The following GALNT15 variants were observed in gnomAD, a reference collection of about 807,000 sequenced individuals.
GALNT15 encodes the protein polypeptide N-acetylgalactosaminyltransferase 15, also known as UDP-GalNAc transferase T15.
Under a neutral mutation model 66.8 loss-of-function variants are expected in GALNT15, and 67 were observed. The observed-to-expected ratio is 1.00, with a 90% CI of 0.82 to 1.23. GALNT15 has a LOEUF of 1.23. GALNT15 is among the 50% of genes most tolerant of loss of function. The pLI is 0.00. For missense variants in GALNT15, 827 were observed against 804.3 expected, an observed-to-expected ratio of 1.03 and a Z score of -0.34; for synonymous variants, 313 against 311.5, an observed-to-expected ratio of 1.00 and a Z score of -0.05.
At chr3:16,185,748 C>CAGATAGAT (rs56684049) in intron 1 of GALNT15, among the ~76,000 whole-genome samples, 194 of 148,308 alleles carry the variant, frequency 1.3e-3, no homozygotes, top group East Asian at 1.8e-3. Context: ...GATAGACAGA[C>CAGATAGAT]AGATAGATAG....
Position 16,228,321 on chromosome 3 carries a change from T to C in GALNT15, c.*821T>C, listed in dbSNP as rs570561945. 342 of 985,800 alleles carry C rather than the reference T, an allele frequency of 3.5e-4. No individual in the cohort carries two copies. Among genetic ancestry groups the C allele is most frequent in the Non-Finnish European group, 4.0e-4 (332 of 829,938 alleles). 61.1% of individuals were successfully genotyped at this position (985,800 alleles called of 1,614,324 possible). A position where few individuals can be genotyped will look rare whatever the true frequency, so the allele number is the denominator to read the frequency against. ...AGAAGTACCAGCACAATTTGAGCATTCCCATTAACAAAGGTGTTCACAGTT... is the reference window on the plus strand; with the variant it reads ...AGAAGTACCAGCACAATTTGAGCATCCCCATTAACAAAGGTGTTCACAGTT... On this transcript the variant is annotated 3_prime_UTR_variant, in exon 10 of 10. Transcript: ENST00000339732.
rs2063936203 is a variant in GALNT15 at position 16,220,955 on chromosome 3, C to A, written c.1629+941C>A. ...AGGACATACTGATAGGCATTCACAC[C>A]TGGCACAAGGGATGCAGACATAAAC... is the stretch of plus-strand genomic sequence containing the variant. On this transcript the variant is annotated intron_variant, in intron 8 of 9. Transcript: ENST00000339732. Among the ~76,000 whole-genome samples, 3 of 152,218 alleles carry A rather than the reference C, an allele frequency of 2.0e-5. No homozygotes were observed. In the South Asian group the frequency reaches 6.2e-4, roughly 32 times the overall value.
chr3:16,212,031 A>G (rs2063821026), intron 5 of GALNT15, among the ~76,000 whole-genome samples: 1 of 152,188 alleles, frequency 6.6e-6, no homozygotes, highest in Non-Finnish European at 1.5e-5. Flanking sequence ...CAAATGTGGA[A>G]TGAAAGTCTT....
rs56306167 is a variant in GALNT15 at position 16,203,520 on chromosome 3, T to TTCTCTC, written c.911+2716_911+2721dup. ...TCTCTCTCTGTCTCTTGGTCACTCA[T>TTCTCTC]TCTCTCTCTCTCTCTCTCTCTCTCA... On this transcript the variant is annotated intron_variant, in intron 3 of 9. Transcript: ENST00000339732. This position sits in a 1 kb window ranked among gnomAD's most constrained non-coding sequence, Gnocchi z 6.2. Among the ~76,000 whole-genome samples the TTCTCTC allele has an allele frequency of 7.8e-4, 89 of 114,364 alleles. No individual in the cohort carries two copies. Among genetic ancestry groups the TTCTCTC allele is most frequent in the African/African-American group, 2.5e-3 (69 of 27,172 alleles). The allele number at this position is 114,364 out of a possible 152,430, so 75.0% of individuals were successfully genotyped here. A position where few individuals can be genotyped will look rare whatever the true frequency, so the allele number is the denominator to read the frequency against.
At chr3:16,206,888 T>G (rs951207661) in intron 3 of GALNT15, among the ~76,000 whole-genome samples, 2 of 152,098 alleles carry the variant, frequency 1.3e-5, no homozygotes, top group African/African-American at 4.8e-5. Context: ...ATAGCCAAAT[T>G]TATCCATCTG....
Position 16,175,406 on chromosome 3 carries a change from A to G in GALNT15, c.255A>G (p.Pro85=). ...GEEYSPLEGL[P]PFISLREDQL... ...AGTACAGCCCTCTGGAGGGCCTGCC[A>G]CCCTTTATCTCACTGCGGGAGGATC... is the stretch of plus-strand genomic sequence containing the variant. Residue 85 remains proline (P), a synonymous_variant, in exon 1 of 10, where the codon CCA becomes CCG. Coordinates refer to ENST00000339732, the MANE Select transcript of GALNT15 (RefSeq NM_054110.5). The surrounding 1 kb of genome is among the most constrained non-coding windows in gnomAD (Gnocchi z 5.6). 1 of 1,614,056 alleles carries G rather than the reference A, an allele frequency of 6.2e-7. No homozygotes were observed. Among genetic ancestry groups the G allele is most frequent in the South Asian group, 1.1e-5 (1 of 91,066 alleles).
Position 16,222,641 on chromosome 3 carries a change from G to C in GALNT15, c.1656G>C (p.Glu552Asp). ...QQYLQHTSRK[E>D]IHFGSPQHLC... ...ACCTGCAGCACACCAGCAGGAAGGA[G>C]ATTCACTTTGGCAGCCCACAGCACC... Residue 552 changes from glutamate to aspartate, a missense_variant, in exon 9 of 10, where the codon GAG (glutamate) becomes GAC (aspartate). Coordinates refer to ENST00000339732, the MANE Select transcript of GALNT15 (RefSeq NM_054110.5). 1 of 1,614,238 alleles carries C rather than the reference G, an allele frequency of 6.2e-7. No homozygotes were observed. Among genetic ancestry groups the C allele is most frequent in the Non-Finnish European group, 8.5e-7 (1 of 1,180,042 alleles).
the GALNT15 span, among the ~76,000 whole-genome samples, chr3:16,246,210 A>T: frequency 6.6e-6 from 1 of 151,530 alleles, no homozygotes; most frequent in African/African-American, 2.4e-5. Flanking sequence ...CCTCCTCTTC[A>T]CACACCCTCC....
chr3:16,243,383 C>T, the GALNT15 span, among the ~76,000 whole-genome samples: 10 of 152,232 alleles, frequency 6.6e-5, no homozygotes, highest in African/African-American at 1.7e-4. Context: ...CAGGTCAGAG[C>T]CCAGCTCGCC....
In GALNT15 at chr3:16,203,180, ATTTTCT is replaced by A. The variant is rs955952061; in HGVS notation, c.911+2362_911+2367del. Among the ~76,000 whole-genome samples, 1 of 151,922 alleles carries A rather than the reference ATTTTCT, an allele frequency of 6.6e-6. No individual in the cohort carries two copies. The highest frequency in any genetic ancestry group is 1.5e-5 in the Non-Finnish European group (1 of 67,986). ...GTCCAGTGCTGTTTTTATTGTGTAC[ATTTTCT>A]TTTTAAGAGTTGGAGAAGCTGGTCA... On this transcript the variant is annotated intron_variant, in intron 3 of 9. Coordinates refer to ENST00000339732, the MANE Select transcript of GALNT15 (RefSeq NM_054110.5). This position sits in a 1 kb window ranked among gnomAD's most constrained non-coding sequence, Gnocchi z 6.2.
chr3:16,211,161 A>G lies in GALNT15; in HGVS notation c.1117A>G (p.Arg373Gly), dbSNP rs2063810460. The G allele has an allele frequency of 1.2e-6, 2 of 1,613,966 alleles. No homozygotes were observed. The highest frequency in any genetic ancestry group is 1.7e-6 in the Non-Finnish European group (2 of 1,179,944). ...GCCCGGAGAGGTGGTGGCCATGGAC[A>G]GACATTACTTCCAAAACACTGGAGC... is the stretch of plus-strand genomic sequence containing the variant. ...VVPGEVVAMD[R>G]HYFQNTGAYD... The change falls in exon 5 of 10, where the codon AGA becomes GGA. Residue 373 changes from arginine to glycine, a missense_variant. Arg to Gly is a moderately radical substitution (Grantham distance 125). Transcript: ENST00000339732. The surrounding 1 kb of genome is among the most constrained non-coding windows in gnomAD (Gnocchi z 4.3).
At position 16,175,173 on chromosome 3, in the gene GALNT15, A is replaced by G. The variant is rs371786340; in HGVS notation, c.22A>G (p.Arg8Gly). MLLRKRY[R>G]HRPCRLQFLL... ...CAACATGCTCCTAAGGAAGCGATAC[A>G]GGCACAGACCATGCAGACTCCAGTT... The change falls in exon 1 of 10, where the codon AGG becomes GGG. Residue 8 changes from arginine (R) to glycine (G), a missense_variant. Arg to Gly is a moderately radical substitution (Grantham distance 125). Transcript: ENST00000339732. This position sits in a 1 kb window ranked among gnomAD's most constrained non-coding sequence, Gnocchi z 5.6. 64 of 1,613,590 alleles carry G rather than the reference A, an allele frequency of 4.0e-5. No homozygotes were observed. The East Asian group carries it at 4.0e-4, about 10-fold the overall frequency.
At chr3:16,214,682 T>C (rs1313830096) in intron 6 of GALNT15, among the ~76,000 whole-genome samples, 1 of 152,114 alleles carries the variant, frequency 6.6e-6, no homozygotes, top group East Asian at 1.9e-4. Context: ...GAGATAATGT[T>C]CACAGAGGTG....
In GALNT15 at chr3:16,227,760, A is replaced by G. The variant is rs973571703; in HGVS notation, c.*260A>G. ...CACTGGGAAATGATTATTACATAGTACAGAAGATTCTTTGTTTTTCTCCAC... is the reference window on the plus strand; with the variant it reads ...CACTGGGAAATGATTATTACATAGTGCAGAAGATTCTTTGTTTTTCTCCAC... On this transcript the variant is annotated 3_prime_UTR_variant, in exon 10 of 10. Coordinates refer to ENST00000339732, the MANE Select transcript of GALNT15 (RefSeq NM_054110.5). This position sits in a 1 kb window ranked among gnomAD's most constrained non-coding sequence, Gnocchi z 4.5. 1.0e-4 allele frequency: 131 copies of G among 1,257,152 alleles called. No homozygotes were observed. In the Middle Eastern group the frequency reaches 1.9e-3, roughly 18 times the overall value. The allele number at this position is 1,257,152 out of a possible 1,614,324, so 77.9% of individuals were successfully genotyped here. A position where few individuals can be genotyped will look rare whatever the true frequency, so the allele number is the denominator to read the frequency against.
chr3:16,246,725 G>T, the GALNT15 span, among the ~76,000 whole-genome samples: 104,456 of 152,060 alleles, frequency 0.69, 36,482 homozygotes, highest in African/African-American at 0.8. Context: ...GCATATATAG[G>T]AATACTCTTC....
At chr3:16,192,469 GT>G (rs200091869) in intron 1 of GALNT15, among the ~76,000 whole-genome samples, 5,265 of 149,906 alleles carry the variant, frequency 0.035, 123 homozygotes, top group Non-Finnish European at 0.049. Context: ...ATAGTTTAGG[GT>G]TTTTTTTTTC....
At chr3:16,177,221 A>G (rs2063419636) in intron 1 of GALNT15, among the ~76,000 whole-genome samples, 1 of 152,230 alleles carries the variant, frequency 6.6e-6, no homozygotes, top group Non-Finnish European at 1.5e-5. Context: ...ATGAACAAAC[A>G]TAGTTTTCAA....
chr3:16,199,683 C>A (rs555533959), intron 2 of GALNT15, among the ~76,000 whole-genome samples: 2 of 97,406 alleles, frequency 2.1e-5, no homozygotes, highest in Non-Finnish European at 4.6e-5. Context: ...CCAGCCATAG[C>A]CTGATCCCAT....
At chr3:16,239,094 A>G in the GALNT15 span, among the ~76,000 whole-genome samples, 1 of 152,128 alleles carries the variant, frequency 6.6e-6, no homozygotes, top group Non-Finnish European at 1.5e-5. This position sits in a 1 kb window ranked among gnomAD's most constrained non-coding sequence, Gnocchi z 5.2. Context: ...AGAATCCCAA[A>G]CAGGATGGAG....
Sources: allele counts gnomAD v4.1 joint callset (sites outside exome capture counted in the v4.1 genomes callset), GRCh38; gene constraint gnomAD v4.1.1; non-coding constraint Gnocchi (gnomAD v3.1); transcripts MANE v1.5; gene names NCBI Gene and HGNC (gene_info 2026-07-23, HGNC 2026-07-21).